KCNT2: variants seen among roughly 807,000 people sequenced by gnomAD.
KCNT2 encodes potassium sodium-activated channel subfamily T member 2.
In KCNT2, 67 loss-of-function variants were observed where a neutral mutation model predicts 153.8. The observed-to-expected ratio is 0.44, with a 90% CI of 0.36 to 0.53. KCNT2 has a LOEUF of 0.53. Among genes scored for constraint, KCNT2 ranks in the 20% least tolerant of loss-of-function variants. The pLI is 0.00. For missense variants in KCNT2, 975 were observed against 1,354.8 expected (o/e 0.72, Z 4.40); for synonymous variants, 500 against 458.8 (o/e 1.09, Z -1.15).
At chr1:196,270,245 T>C (rs940658411) in intron 25 of KCNT2, among the ~76,000 whole-genome samples, 1 of 152,032 alleles carries the variant, frequency 6.6e-6, no homozygotes, top group African/African-American at 2.4e-5. Flanking sequence ...GGGATTATAG[T>C]GGCCCAAGGT....
chr1:196,247,605 A>G (rs997458252), intron 26 of KCNT2, among the ~76,000 whole-genome samples: 3 of 152,186 alleles, frequency 2.0e-5, no homozygotes, highest in African/African-American at 7.2e-5. Context: ...CCTTCTTCAC[A>G]TGATGGCATG....
chr1:196,420,719 A>C (rs1374609880), intron 12 of KCNT2, among the ~76,000 whole-genome samples: 3 of 151,974 alleles, frequency 2.0e-5, no homozygotes, highest in Non-Finnish European at 4.4e-5. Flanking sequence ...AGAGATATGG[A>C]CCAGGCTGTA....
intron 22 of KCNT2, among the ~76,000 whole-genome samples, chr1:196,297,633 A>C (rs1448857032): frequency 6.6e-6 from 1 of 152,186 alleles, no homozygotes; most frequent in African/African-American, 2.4e-5. Context: ...ATAGAAACTC[A>C]TTAGCCTTCT....
chr1:196,287,546 A>G (rs1211966077), intron 22 of KCNT2, among the ~76,000 whole-genome samples: 3 of 152,148 alleles, frequency 2.0e-5, no homozygotes, highest in African/African-American at 4.8e-5. Context: ...TTTTTAACCT[A>G]CAGTGCTTAT....
intron 14 of KCNT2, among the ~76,000 whole-genome samples, chr1:196,352,881 G>A (rs1259864613): frequency 1.3e-5 from 2 of 152,066 alleles, no homozygotes; most frequent in Admixed American, 6.6e-5. Flanking sequence ...CTTTGAATGT[G>A]TCCCATAGAT....
At chr1:196,281,127 A>G in intron 24 of KCNT2, 139 bp from the exon 25 acceptor site, 1 of 627,314 alleles carries the variant, frequency 1.6e-6, no homozygotes, top group Non-Finnish European at 2.8e-6. Flanking sequence ...CAACGGTGCA[A>G]CCATGGCTCA....
chr1:196,562,768 C>T (rs1659590857), intron 1 of KCNT2, among the ~76,000 whole-genome samples: 1 of 149,970 alleles, frequency 6.7e-6, no homozygotes, highest in African/African-American at 2.5e-5. Flanking sequence ...AGCTCAATGT[C>T]TTTAACAATC....
chr1:196,257,352 T>G (rs1283735793), intron 26 of KCNT2: 1 of 979,852 alleles, frequency 1.0e-6, no homozygotes, highest in Non-Finnish European at 1.2e-6. Flanking sequence ...CATTGCCTCA[T>G]GTTGAGATTT....
intron 18 of KCNT2, among the ~76,000 whole-genome samples, chr1:196,327,754 A>G (rs1189234740): frequency 6.7e-6 from 1 of 149,270 alleles, no homozygotes; most frequent in Admixed American, 6.7e-5. Flanking sequence ...GAAACCTCAA[A>G]TTTCCAGTCT....
intron 21 of KCNT2, among the ~76,000 whole-genome samples, chr1:196,315,235 A>T (rs1342098791): frequency 6.6e-6 from 1 of 151,638 alleles, no homozygotes; most frequent in African/African-American, 2.4e-5. Context: ...GATATTTAAA[A>T]TTTCATATGA....
intron 1 of KCNT2, among the ~76,000 whole-genome samples, chr1:196,503,317 C>T (rs1435797595): frequency 6.6e-6 from 1 of 152,026 alleles, no homozygotes; most frequent in African/African-American, 2.4e-5. Context: ...AACAAACATA[C>T]ACATGTGTAT....
At chr1:196,311,044 C>G (rs968670681) in intron 21 of KCNT2, among the ~76,000 whole-genome samples, 1 of 151,828 alleles carries the variant, frequency 6.6e-6, no homozygotes. Context: ...CCCATTTAGT[C>G]TCTCTTCACT....
chr1:196,477,712 G>A (rs1476570729), intron 5 of KCNT2, among the ~76,000 whole-genome samples: 1 of 152,158 alleles, frequency 6.6e-6, no homozygotes, highest in Non-Finnish European at 1.5e-5. Flanking sequence ...TAATGATTAT[G>A]ACAACCACTC....
At chr1:196,419,680 A>C (rs1228511680) in intron 12 of KCNT2, among the ~76,000 whole-genome samples, 2 of 152,010 alleles carry the variant, frequency 1.3e-5, no homozygotes, top group East Asian at 3.9e-4. Context: ...AAGTGAAAAA[A>C]TATTTCCCTT....
chr1:196,283,744 G>A (rs1659350188), intron 23 of KCNT2, among the ~76,000 whole-genome samples: 2 of 152,150 alleles, frequency 1.3e-5, no homozygotes, highest in South Asian at 4.1e-4. Context: ...CCACAAAATA[G>A]TTATGAATTA....
intron 27 of KCNT2, among the ~76,000 whole-genome samples, chr1:196,235,038 A>G (rs572646657): frequency 6.6e-6 from 1 of 151,566 alleles, no homozygotes; most frequent in South Asian, 2.1e-4. Context: ...ATACTTGCTC[A>G]TATATGTCTA....
intron 14 of KCNT2, among the ~76,000 whole-genome samples, chr1:196,364,647 C>G (rs954358092): frequency 1.3e-5 from 2 of 152,098 alleles, no homozygotes; most frequent in Non-Finnish European, 2.9e-5. Flanking sequence ...CAATTGAATA[C>G]AGGCATAATG....
At chr1:196,440,067 C>G (rs1181610587) in intron 8 of KCNT2, among the ~76,000 whole-genome samples, 1 of 151,928 alleles carries the variant, frequency 6.6e-6, no homozygotes, top group Non-Finnish European at 1.5e-5. Context: ...AAACTAAAGA[C>G]ATTCAATAAG....
At chr1:196,338,973 A>AAAAAAAT (rs1665318103) in intron 16 of KCNT2, among the ~76,000 whole-genome samples, 1 of 150,792 alleles carries the variant, frequency 6.6e-6, no homozygotes, top group Non-Finnish European at 1.5e-5. Flanking sequence ...AAAAAAAAAA[A>AAAAAAAT]AGGAGAAGGA....
Sources: gnomAD v4.1 joint callset for allele counts (sites outside exome capture counted in the v4.1 genomes callset) on GRCh38, gnomAD v4.1.1 for gene constraint, MANE v1.5 for transcripts, NCBI Gene and HGNC (gene_info 2026-07-23, HGNC 2026-07-21) for gene names.